The following SRPX variants were observed in gnomAD, a reference collection of about 807,000 sequenced individuals.
SRPX encodes the protein sushi repeat-containing protein SRPX.
Under a neutral mutation model 38.1 loss-of-function variants are expected in SRPX, and 24 were observed. That is an observed-to-expected ratio of 0.63 (90% confidence interval 0.46 to 0.89). SRPX has a LOEUF of 0.89. Among genes scored for constraint, SRPX ranks in the 40% least tolerant of loss-of-function variants. SRPX has a pLI of 0.00. For missense variants in SRPX, 416 were observed against 377.8 expected (o/e 1.10, Z -0.84); for synonymous variants, 184 against 153.8 (o/e 1.20, Z -1.45).
At chrX:38,178,494 C>T (rs1938608748) in intron 1 of SRPX, 150 bp from the exon 2 acceptor site, 3 of 437,731 alleles carry the variant, frequency 6.9e-6, no homozygotes, top group African/African-American at 2.5e-5. Context: ...CATGAAGGAA[C>T]AAACAGGAGA....
At chrX:38,170,679 C>T (rs1013063131) in intron 4 of SRPX, among the ~76,000 whole-genome samples, 1 of 111,867 alleles carries the variant, frequency 8.9e-6, no homozygotes, top group Non-Finnish European at 1.9e-5. Flanking sequence ...GGGAAGGTTC[C>T]AGGCGCATCT....
At chrX:38,208,562 A>G (rs768481997) in intron 1 of SRPX, among the ~76,000 whole-genome samples, 4 of 112,295 alleles carry the variant, frequency 3.6e-5, no homozygotes, top group Non-Finnish European at 7.5e-5. Flanking sequence ...AGTTTATATC[A>G]AACTACTGAG....
chrX:38,203,397 T>C (rs1271200749), intron 1 of SRPX, among the ~76,000 whole-genome samples: 1 of 112,506 alleles, frequency 8.9e-6, no homozygotes, highest in East Asian at 2.8e-4. Context: ...TCAATTTCAC[T>C]ACCCTATTCA....
In SRPX at chrX:38,174,177, T is replaced by A. The variant is rs753489259; in HGVS notation, c.332A>T (p.Asp111Val). The A allele has an allele frequency of 1.8e-6, 2 of 1,109,048 alleles. No individual in the cohort carries two copies. The highest frequency in any genetic ancestry group is 1.2e-6 in the Non-Finnish European group (1 of 843,902). The allele number at this position is 1,109,048 out of a possible 1,213,427, so 91.4% of individuals were successfully genotyped here. A position where few individuals can be genotyped will look rare whatever the true frequency, so the allele number is the denominator to read the frequency against. Residue 111 changes from aspartate (D) to valine (V), a missense_variant, in exon 3 of 10, where the codon GAC becomes GTC. Transcript: ENST00000378533. ...CTACTCACGTTTGCAGATGACCTTG[T>A]CAGACCATCGTTTGTTTGACTGGCA... ...LICQSNKRWS[D>V]KVICKQKRCP...
In SRPX at chrX:38,162,089, T is replaced by A. The variant is rs748862305; in HGVS notation, c.654-1035A>T. ...GCTGTTGGCTTTAGATGCTTTAAGG[T>A]CTTTAGAAAGCACAGTTTAAATTCA... On this transcript the variant is annotated intron_variant, in intron 5 of 9. Transcript: ENST00000378533. Among the ~76,000 whole-genome samples the A allele has an allele frequency of 3.7e-4, 41 of 112,245 alleles. 1 individual carries two copies. The highest frequency in any genetic ancestry group is 1.2e-3 in the African/African-American group (38 of 30,909).
chrX:38,150,337 T>C (rs1937989869), intron 9 of SRPX, among the ~76,000 whole-genome samples: 1 of 112,060 alleles, frequency 8.9e-6, no homozygotes. Flanking sequence ...AAACCCACGT[T>C]TGCTGACTAG....
chrX:38,196,020 A>G (rs1456075376), intron 1 of SRPX, among the ~76,000 whole-genome samples: 1 of 112,409 alleles, frequency 8.9e-6, no homozygotes, highest in Non-Finnish European at 1.9e-5. Flanking sequence ...CTGTGGATAG[A>G]CAATTTTCAA....
intron 1 of SRPX, among the ~76,000 whole-genome samples, chrX:38,191,204 T>C (rs767570695): frequency 1.8e-5 from 2 of 112,045 alleles, no homozygotes; most frequent in South Asian, 7.6e-4. Context: ...TTCTGTCATG[T>C]GCCATCAAGA....
chrX:38,198,616 C>T (rs777930141), intron 1 of SRPX, among the ~76,000 whole-genome samples: 3 of 111,749 alleles, frequency 2.7e-5, no homozygotes, highest in Non-Finnish European at 5.6e-5. Flanking sequence ...TGGGCTGTAG[C>T]AAATGCTTCT....
Position 38,172,076 on chromosome X carries a change from G to A in SRPX, c.350-19C>T. ...CGCTTTTCTGAAAATGAGAAAATCA[G>A]ATATTCAGCATTTCTTAGTTTTTGT... is the stretch of plus-strand genomic sequence containing the variant. On this transcript the variant is annotated intron_variant, in intron 3 of 9. Coordinates refer to ENST00000378533, the MANE Select transcript of SRPX (RefSeq NM_006307.5). The A allele has an allele frequency of 8.3e-7, 1 of 1,199,378 alleles. No homozygotes were observed. Among genetic ancestry groups the A allele is most frequent in the Non-Finnish European group, 1.1e-6 (1 of 885,845 alleles).
At chrX:38,180,761 G>A (rs1323696915) in intron 1 of SRPX, among the ~76,000 whole-genome samples, 1 of 111,759 alleles carries the variant, frequency 8.9e-6, no homozygotes, top group African/African-American at 3.3e-5. Context: ...TACAAGAAAT[G>A]GTCAATCATA....
At chrX:38,182,065 G>T (rs1427767369) in intron 1 of SRPX, among the ~76,000 whole-genome samples, 1 of 112,417 alleles carries the variant, frequency 8.9e-6, no homozygotes, top group African/African-American at 3.2e-5. Flanking sequence ...AAGTGCCTAT[G>T]ATATGTGTAC....
intron 1 of SRPX, among the ~76,000 whole-genome samples, chrX:38,195,214 G>C (rs1055847651): frequency 9.0e-6 from 1 of 110,705 alleles, no homozygotes; most frequent in African/African-American, 3.3e-5. Context: ...ATTCTATAAA[G>C]AAAATAATAG....
intron 2 of SRPX, among the ~76,000 whole-genome samples, chrX:38,175,665 G>A (rs894188879): frequency 2.7e-5 from 3 of 111,045 alleles, no homozygotes; most frequent in Admixed American, 9.6e-5. Context: ...CTACAGGCAC[G>A]CACCACCGTC....
At chrX:38,176,380 TTTTC>T (rs1250991874) in intron 2 of SRPX, among the ~76,000 whole-genome samples, 1 of 112,432 alleles carries the variant, frequency 8.9e-6, no homozygotes, top group African/African-American at 3.2e-5. Flanking sequence ...TTACATTTAA[TTTTC>T]TTTCTTATTT....
chrX:38,213,674 G>C (rs1414595274), intron 1 of SRPX, among the ~76,000 whole-genome samples: 1 of 111,813 alleles, frequency 8.9e-6, no homozygotes, highest in Non-Finnish European at 1.9e-5. Context: ...AATTTATAAA[G>C]AAAAGAGGTT....
intron 1 of SRPX, among the ~76,000 whole-genome samples, chrX:38,188,346 G>A (rs1220122355): frequency 8.9e-6 from 1 of 112,016 alleles, no homozygotes; most frequent in Non-Finnish European, 1.9e-5. Flanking sequence ...CCAAATCCCT[G>A]TCTTTACTAC....
At chrX:38,191,596 C>T (rs1938906434) in intron 1 of SRPX, among the ~76,000 whole-genome samples, 1 of 110,998 alleles carries the variant, frequency 9.0e-6, no homozygotes, top group Admixed American at 9.6e-5. Context: ...TCTAAAACAA[C>T]ACTTTTTAAC....
At chrX:38,175,673 G>A (rs949705476) in intron 2 of SRPX, among the ~76,000 whole-genome samples, 1 of 110,978 alleles carries the variant, frequency 9.0e-6, no homozygotes, top group Non-Finnish European at 1.9e-5. Flanking sequence ...ACGCACCACC[G>A]TCCCTGGTCT....
Sources: allele counts gnomAD v4.1 joint callset (sites outside exome capture counted in the v4.1 genomes callset), GRCh38; gene constraint gnomAD v4.1.1; transcripts MANE v1.5; gene names NCBI Gene and HGNC (gene_info 2026-07-23, HGNC 2026-07-21).